The following CHL1 variants were observed in gnomAD, a reference collection of about 807,000 sequenced individuals.
CHL1 encodes neural cell adhesion molecule L1-like protein.
CHL1 carries 96 observed loss-of-function variants against 141.9 expected under a neutral mutation model. The ratio of observed to expected loss-of-function variants is 0.68; its 90% CI spans 0.57 to 0.80. The LOEUF is 0.80. Among genes scored for constraint, CHL1 ranks in the 30% least tolerant of loss-of-function variants. The probability of loss-of-function intolerance (pLI) is 0.00; values close to 1 mark genes in which losing one functional copy is unlikely to be tolerated. For synonymous variants in CHL1, 613 were observed against 502.2 expected (o/e 1.22, Z -2.95); for missense variants, 1,820 against 1,457.2 (o/e 1.25, Z -4.05).
At chr3:227,110 C>T (rs1186609388) in intron 1 of CHL1, among the ~76,000 whole-genome samples, 1 of 152,070 alleles carries the variant, frequency 6.6e-6, no homozygotes, top group African/African-American at 2.4e-5. Flanking sequence ...AAATGTTGTC[C>T]ACCTCTTCTT....
chr3:258,072 C>T (rs1279414406), intron 2 of CHL1, among the ~76,000 whole-genome samples: 1 of 152,178 alleles, frequency 6.6e-6, no homozygotes, highest in Non-Finnish European at 1.5e-5. Flanking sequence ...AGAGGACAGT[C>T]TCCAAAGGAG....
chr3:363,708 G>A (rs376738148), intron 14 of CHL1: 1 of 178,636 alleles, frequency 5.6e-6, no homozygotes, highest in South Asian at 1.6e-4. Context: ...CTAACTCAAG[G>A]TAATGGTAAC....
intron 2 of CHL1, among the ~76,000 whole-genome samples, chr3:311,395 A>G (rs1208488517): frequency 6.7e-6 from 1 of 148,310 alleles, no homozygotes; most frequent in Non-Finnish European, 1.5e-5. Flanking sequence ...CCAGCATACT[A>G]TAGCATCAGT....
intron 2 of CHL1, among the ~76,000 whole-genome samples, chr3:286,239 G>A (rs1490838107): frequency 6.6e-6 from 1 of 152,044 alleles, no homozygotes; most frequent in African/African-American, 2.4e-5. Context: ...CCTGATCCAT[G>A]CCCCAAAAGT....
chr3:221,856 A>T (rs1700872269), intron 1 of CHL1, among the ~76,000 whole-genome samples: 1 of 152,206 alleles, frequency 6.6e-6, no homozygotes, highest in Non-Finnish European at 1.5e-5. Flanking sequence ...TATTGACTCA[A>T]TTTATAAAAA....
chr3:276,626 A>C lies in CHL1; in HGVS notation c.-95+31934A>C, dbSNP rs1257678763. Among the ~76,000 whole-genome samples, 7 of 151,804 alleles carry C rather than the reference A, an allele frequency of 4.6e-5. No homozygotes were observed. In the East Asian group the frequency reaches 5.9e-4, roughly 13 times the overall value. On this transcript the variant is annotated intron_variant, in intron 2 of 27. Coordinates refer to ENST00000256509, the MANE Select transcript of CHL1 (RefSeq NM_006614.4). ...GCTCTGGGGCTGGGCACGGTGGCTC[A>C]CACCTGTAATCCCAGCACTTTGGGA...
intron 18 of CHL1, among the ~76,000 whole-genome samples, chr3:383,011 G>T (rs1415985978): frequency 3.3e-5 from 5 of 152,044 alleles, no homozygotes; most frequent in Non-Finnish European, 7.4e-5. Flanking sequence ...TAATTTTTAT[G>T]CATTCAGTGT....
intron 2 of CHL1, among the ~76,000 whole-genome samples, chr3:300,198 G>C (rs757786812): frequency 6.6e-6 from 1 of 152,122 alleles, no homozygotes; most frequent in Non-Finnish European, 1.5e-5. Flanking sequence ...ACCATTGAGG[G>C]GACCCAAGAT....
chr3:317,605 T>A (rs1471232303), intron 2 of CHL1, among the ~76,000 whole-genome samples: 1 of 150,800 alleles, frequency 6.6e-6, no homozygotes, highest in Non-Finnish European at 1.5e-5. Context: ...AAGTAAAGAT[T>A]GATATATAAT....
intron 1 of CHL1, among the ~76,000 whole-genome samples, chr3:201,957 A>G (rs576001000): frequency 3.3e-5 from 5 of 152,302 alleles, no homozygotes; most frequent in African/African-American, 1.2e-4. Flanking sequence ...CCTTGAGGGT[A>G]TACATTTCCT....
At chr3:385,567 T>A (rs9847341) in intron 19 of CHL1, 3 of 152,230 alleles carry the variant, frequency 2.0e-5, no homozygotes, top group Non-Finnish European at 4.4e-5. Context: ...CTGTGGCTCA[T>A]GCCTGTAATC....
At chr3:375,038 G>A (rs1044442257) in intron 15 of CHL1, among the ~76,000 whole-genome samples, 1 of 151,972 alleles carries the variant, frequency 6.6e-6, no homozygotes, top group African/African-American at 2.4e-5. Context: ...GACCTACGGG[G>A]CTTCATGTTA....
chr3:322,990 C>G (rs1700718834), intron 3 of CHL1, among the ~76,000 whole-genome samples: 1 of 151,930 alleles, frequency 6.6e-6, no homozygotes, highest in Non-Finnish European at 1.5e-5. Context: ...TACATACTTT[C>G]TAACATTCTA....
At chr3:289,574 A>G (rs2125332617) in intron 2 of CHL1, among the ~76,000 whole-genome samples, 1 of 152,286 alleles carries the variant, frequency 6.6e-6, no homozygotes, top group South Asian at 2.1e-4. Flanking sequence ...GTAGGTAAAT[A>G]AGAGCTTGGT....
chr3:355,702 C>A (rs566453450), intron 11 of CHL1, among the ~76,000 whole-genome samples: 1 of 152,176 alleles, frequency 6.6e-6, no homozygotes, highest in African/African-American at 2.4e-5. Flanking sequence ...GAGGTGTTTT[C>A]TGAATCTCCC....
intron 2 of CHL1, among the ~76,000 whole-genome samples, chr3:293,533 T>G (rs974543869): frequency 6.6e-6 from 1 of 151,960 alleles, no homozygotes; most frequent in Non-Finnish European, 1.5e-5. Flanking sequence ...CCTAATTGAA[T>G]CTTTCCCCCT....
Position 342,047 on chromosome 3 carries a change from T to A in CHL1, c.644T>A (p.Val215Glu). The change falls in exon 7 of 28, where the codon GTA becomes GAA. Residue 215 changes from valine to glutamate, a missense_variant. Val to Glu is a moderately radical substitution (Grantham distance 121). Coordinates refer to ENST00000256509, the MANE Select transcript of CHL1 (RefSeq NM_006614.4). ...FAAFPRLRTI[V>E]QKMPMKLTVN... Reference sequence around the variant, plus strand: ...GCATTTCCAAGATTAAGGACTATTGTACAGAAAATGCCAATGAAACTAACA... The same window carrying A: ...GCATTTCCAAGATTAAGGACTATTGAACAGAAAATGCCAATGAAACTAACA... 6.2e-7 allele frequency: 1 copy of A among 1,613,036 alleles called. No homozygotes were observed. The highest frequency in any genetic ancestry group is 8.5e-7 in the Non-Finnish European group (1 of 1,179,166).
intron 1 of CHL1, among the ~76,000 whole-genome samples, chr3:239,599 T>G (rs1235305322): frequency 7.4e-6 from 1 of 135,158 alleles, no homozygotes; most frequent in Non-Finnish European, 1.6e-5. Flanking sequence ...ATATATAAAA[T>G]ATATATATTT....
chr3:368,977 T>C (rs1036347673), intron 15 of CHL1, among the ~76,000 whole-genome samples: 7 of 152,238 alleles, frequency 4.6e-5, no homozygotes, highest in African/African-American at 1.7e-4. Flanking sequence ...ACCAGTACCA[T>C]GCTGTTTTGG....
Sources: gnomAD v4.1 joint callset for allele counts (sites outside exome capture counted in the v4.1 genomes callset) on GRCh38, gnomAD v4.1.1 for gene constraint, MANE v1.5 for transcripts, NCBI Gene and HGNC (gene_info 2026-07-23, HGNC 2026-07-21) for gene names.